Variants in LRP2 observed in about 807,000 individuals in gnomAD.
The protein encoded by LRP2 is LDL receptor related protein 2, also known as low-density lipoprotein receptor-related protein 2.
Under a neutral mutation model 531.0 loss-of-function variants are expected in LRP2, and 172 were observed. The observed-to-expected ratio is 0.32, with a 90% CI of 0.29 to 0.37. The LOEUF is 0.37. Among genes scored for constraint, LRP2 ranks in the 10% least tolerant of loss-of-function variants. The pLI, the probability that LRP2 is intolerant of heterozygous loss-of-function variation, is 1.00. For synonymous variants in LRP2, 1,992 were observed against 2,027.6 expected, an observed-to-expected ratio of 0.98 and a Z score of 0.47; for missense variants, 5,167 against 5,868.3, an observed-to-expected ratio of 0.88 and a Z score of 3.90.
intron 1 of LRP2, among the ~76,000 whole-genome samples, chr2:169,335,125 G>A (rs1480518126): frequency 6.6e-6 from 1 of 152,180 alleles, no homozygotes; most frequent in Non-Finnish European, 1.5e-5. Context: ...TCAAACTAGA[G>A]TCAAAAGCAA....
chr2:169,211,904 G>A, intron 37 of LRP2, 64 bp downstream of exon 37: 1 of 1,603,692 alleles, frequency 6.2e-7, no homozygotes, highest in Non-Finnish European at 8.5e-7. Flanking sequence ...TGTTTTCATG[G>A]CACCAGGGAT....
rs542116596 is a variant in LRP2, at chr2:169,340,217, C to G, written c.80-19333G>C. Among the ~76,000 whole-genome samples, 58 of 152,202 alleles carry G rather than the reference C, an allele frequency of 3.8e-4. No homozygotes were observed. In the Middle Eastern group the frequency reaches 0.014, roughly 36 times the overall value. On this transcript the variant is annotated intron_variant, in intron 1 of 78. Coordinates refer to ENST00000649046, the MANE Select transcript of LRP2 (RefSeq NM_004525.3). ...CCATCATTCCCCCATAATATTGTTT[C>G]CAGTTTTCTCATCATTCTTGTTTCT...
chr2:169,278,423 G>A (rs1188340869), intron 12 of LRP2, among the ~76,000 whole-genome samples: 1 of 151,984 alleles, frequency 6.6e-6, no homozygotes, highest in Non-Finnish European at 1.5e-5. Flanking sequence ...GTTCAAGTCT[G>A]CGGCACGCTG....
intron 40 of LRP2, 30 bp downstream of exon 40, chr2:169,205,993 A>T (rs1330452771): frequency 1.9e-6 from 3 of 1,614,122 alleles, no homozygotes; most frequent in Non-Finnish European, 2.5e-6. Context: ...ATAAGCAGAC[A>T]GAAATATAAC....
At chr2:169,361,322 C>CTCTCTCTGTCTCTCTCTG in intron 1 of LRP2, among the ~76,000 whole-genome samples, 1 of 110,674 alleles carries the variant, frequency 9.0e-6, no homozygotes, top group Non-Finnish European at 1.9e-5. Flanking sequence ...GTCTCTCTGT[C>CTCTCTCTGTCTCTCTCTG]TCTCTCTGTC....
intron 1 of LRP2, among the ~76,000 whole-genome samples, chr2:169,353,605 C>A (rs144186930): frequency 6.6e-6 from 1 of 152,194 alleles, no homozygotes; most frequent in Non-Finnish European, 1.5e-5. Flanking sequence ...GTATCACCCC[C>A]CTTCTAGTGA....
chr2:169,145,103 G>A (rs892111026), intron 70 of LRP2, among the ~76,000 whole-genome samples: 2 of 152,360 alleles, frequency 1.3e-5, no homozygotes, highest in African/African-American at 2.4e-5. Context: ...GGTAATTGAA[G>A]TAATAGATGG....
intron 6 of LRP2, among the ~76,000 whole-genome samples, 159 bp downstream of exon 6, chr2:169,293,989 C>G (rs1293987121): frequency 6.6e-6 from 1 of 152,040 alleles, no homozygotes; most frequent in Admixed American, 6.5e-5. Context: ...GCCAAGACCC[C>G]CTAGTGACCG....
At chr2:169,327,830 T>A (rs1685137525) in intron 1 of LRP2, among the ~76,000 whole-genome samples, 1 of 76,042 alleles carries the variant, frequency 1.3e-5, no homozygotes, top group African/African-American at 5.8e-5. Flanking sequence ...CCGCCCCTAC[T>A]GGGAAGTGAG....
At chr2:169,171,481 G>A (rs572484576) in intron 58 of LRP2, among the ~76,000 whole-genome samples, 1 of 152,226 alleles carries the variant, frequency 6.6e-6, no homozygotes, top group East Asian at 1.9e-4. Context: ...TCGACTGGGA[G>A]AGAGAAACTA....
At chr2:169,349,012 T>A (rs1479898745) in intron 1 of LRP2, among the ~76,000 whole-genome samples, 1 of 152,204 alleles carries the variant, frequency 6.6e-6, no homozygotes, top group Admixed American at 6.5e-5. Flanking sequence ...CATGGTGACA[T>A]CTGTCCATTC....
chr2:169,200,689 T>G (rs933631770), intron 44 of LRP2, among the ~76,000 whole-genome samples: 1 of 152,202 alleles, frequency 6.6e-6, no homozygotes, highest in Non-Finnish European at 1.5e-5. Flanking sequence ...AAGCAAAAGG[T>G]ATTTATCCTG....
intron 3 of LRP2, among the ~76,000 whole-genome samples, chr2:169,311,207 C>A (rs1684587957): frequency 6.6e-6 from 1 of 152,098 alleles, no homozygotes; most frequent in Non-Finnish European, 1.5e-5. Flanking sequence ...TCCTTCAGTT[C>A]TGCTCTGATC....
intron 6 of LRP2, 57 bp from the exon 7 acceptor site, chr2:169,292,426 G>A: frequency 9.0e-7 from 1 of 1,105,446 alleles, no homozygotes; most frequent in Middle Eastern, 2.0e-4. Context: ...AAAACTGAAA[G>A]TGCTCTCACC....
chr2:169,175,374 C>G lies in LRP2; in HGVS notation c.10587G>C (p.Trp3529Cys), dbSNP rs1258715422. 2 of 1,614,108 alleles carry G rather than the reference C, an allele frequency of 1.2e-6. No homozygotes were observed. Among genetic ancestry groups the G allele is most frequent in the Non-Finnish European group, 1.7e-6 (2 of 1,180,018 alleles). The change falls in exon 55 of 79, where the codon TGG (tryptophan) becomes TGC (cysteine). Residue 3529 changes from tryptophan (W) to cysteine (C), a missense_variant. Trp to Cys is a radical substitution (Grantham distance 215, BLOSUM62 -2). Transcript: ENST00000649046. ...CANNEKCIPIWWKCDGQKDCS... is the reference protein window; with the variant it reads ...CANNEKCIPICWKCDGQKDCS... ...AGTCTTTCTGTCCATCACATTTCCA[C>G]CAGATAGGAATGCACCTGCACAGAG...
chr2:169,336,179 T>C (rs1186880481), intron 1 of LRP2, among the ~76,000 whole-genome samples: 1 of 152,178 alleles, frequency 6.6e-6, no homozygotes, highest in East Asian at 1.9e-4. Context: ...TTATCTTAAG[T>C]TGTTACCCTA....
intron 48 of LRP2, among the ~76,000 whole-genome samples, chr2:169,190,828 C>T (rs1375883132): frequency 6.6e-6 from 1 of 152,216 alleles, no homozygotes; most frequent in African/African-American, 2.4e-5. Flanking sequence ...TTTGCTAATG[C>T]TCGTACTATT....
chr2:169,231,157 G>A (rs945068562), intron 31 of LRP2, among the ~76,000 whole-genome samples: 1 of 152,116 alleles, frequency 6.6e-6, no homozygotes, highest in African/African-American at 2.4e-5. Context: ...AGCCGGGTGT[G>A]GTGGCGTGCA....
intron 11 of LRP2, among the ~76,000 whole-genome samples, chr2:169,280,069 C>A (rs528105301): frequency 1.6e-4 from 25 of 152,216 alleles, no homozygotes; most frequent in African/African-American, 5.1e-4. Context: ...AATATCTATC[C>A]AGTTTTGAAA....
Sources: allele counts gnomAD v4.1 joint callset (sites outside exome capture counted in the v4.1 genomes callset), GRCh38; gene constraint gnomAD v4.1.1; transcripts MANE v1.5; gene names NCBI Gene and HGNC (gene_info 2026-07-23, HGNC 2026-07-21).